Variants in NCAN observed in about 807,000 individuals in gnomAD.
NCAN encodes neurocan core protein.
A neutral mutation model predicts 121.8 loss-of-function variants in NCAN; 47 were observed. The observed-to-expected ratio is 0.39, with a 90% CI of 0.31 to 0.49. The LOEUF (loss-of-function observed/expected upper bound fraction) is 0.49, where lower values mean the gene tolerates loss of function less well. Ranked by LOEUF, NCAN falls within the 20% of genes least tolerant of loss-of-function variation. The pLI, the probability that NCAN is intolerant of heterozygous loss-of-function variation, is 0.92. For synonymous variants in NCAN, 633 were observed against 702.0 expected, an observed-to-expected ratio of 0.90 and a Z score of 1.55; for missense variants, 1,517 against 1,773.4, an observed-to-expected ratio of 0.86 and a Z score of 2.60.
At chr19:19,232,246 G>A (rs2060862770) in intron 8 of NCAN, among the ~76,000 whole-genome samples, 1 of 152,186 alleles carries the variant, frequency 6.6e-6, no homozygotes, top group African/African-American at 2.4e-5. Context: ...GGAGATTGGC[G>A]GGCAGTGCTG....
intron 10 of NCAN, among the ~76,000 whole-genome samples, chr19:19,237,738 A>G (rs1033668393): frequency 6.6e-6 from 1 of 152,180 alleles, no homozygotes; most frequent in African/African-American, 2.4e-5. Flanking sequence ...TCTCTTCCAG[A>G]AACAAAGAAA....
intron 12 of NCAN, 50 bp from the exon 13 acceptor site, chr19:19,245,263 G>A: frequency 6.2e-7 from 1 of 1,601,858 alleles, no homozygotes; most frequent in South Asian, 1.1e-5. Flanking sequence ...GCCAGAACCT[G>A]GGCTGGAACA....
intron 1 of NCAN, 138 bp from the exon 2 acceptor site, chr19:19,216,809 T>A (rs1290445721): frequency 4.2e-6 from 2 of 472,722 alleles, no homozygotes; most frequent in Non-Finnish European, 7.4e-6. Context: ...GCTCCTTCTG[T>A]GACCTAGAAT....
intron 14 of NCAN, 123 bp downstream of exon 14, chr19:19,249,005 A>AT: frequency 9.6e-7 from 1 of 1,038,868 alleles, no homozygotes; most frequent in East Asian, 2.5e-5. Flanking sequence ...AGCCTTGCAG[A>AT]TAAGTGAGAA....
chr19:19,246,150 G>T (rs2060923639), intron 13 of NCAN, among the ~76,000 whole-genome samples: 1 of 152,146 alleles, frequency 6.6e-6, no homozygotes, highest in Admixed American at 6.6e-5. Flanking sequence ...TGATTCTCCT[G>T]CCTCAGCCTC....
chr19:19,235,889 G>A (rs904899894), intron 10 of NCAN, among the ~76,000 whole-genome samples: 1 of 152,112 alleles, frequency 6.6e-6, no homozygotes, highest in Admixed American at 6.6e-5. Context: ...TGGGACTACA[G>A]GCACACACCA....
rs2060806866 is a variant in NCAN at position 19,219,241 on chromosome 19, G to A, written c.400G>A (p.Asp134Asn). Residue 134 changes from aspartate (D) to asparagine (N), a missense_variant, in exon 3 of 15, where the codon GAC becomes AAC. Asp to Asn is a conservative substitution (Grantham distance 23, BLOSUM62 1). Transcript: ENST00000252575. ...TLLLGPLRAS[D>N]SGLYRCQVVR... Reference sequence around the variant, plus strand: ...ACTTCTGGGGCCACTGAGGGCCAGTGACTCTGGGCTGTACCGCTGCCAGGT... The same window carrying A: ...ACTTCTGGGGCCACTGAGGGCCAGTAACTCTGGGCTGTACCGCTGCCAGGT... 5 of 1,605,272 alleles carry A rather than the reference G, an allele frequency of 3.1e-6. No individual in the cohort carries two copies. The South Asian group carries it at 4.4e-5, about 14-fold the overall frequency.
In NCAN at chr19:19,250,065, C is replaced by T. The variant is rs1432373182; in HGVS notation, c.*154C>T. The T allele has an allele frequency of 1.1e-6, 1 of 869,672 alleles. No individual in the cohort carries two copies. Among genetic ancestry groups the T allele is most frequent in the East Asian group, 2.6e-5 (1 of 37,896 alleles). 53.9% of individuals were successfully genotyped at this position (869,672 alleles called of 1,614,324 possible). ...ACATAATCCTTTGTACAAAGCTCCT[C>T]TTTTCCCTTTTTTTACATACACAAG... On this transcript the variant is annotated 3_prime_UTR_variant, in exon 15 of 15. Coordinates refer to ENST00000252575, the MANE Select transcript of NCAN (RefSeq NM_004386.3).
intron 14 of NCAN, 169 bp downstream of exon 14, chr19:19,249,051 G>GTT (rs1270313010): frequency 1.0e-5 from 4 of 384,934 alleles, no homozygotes; most frequent in Non-Finnish European, 1.8e-5. Flanking sequence ...TCATTTGTGT[G>GTT]TGTGTGTGTG....
At chr19:19,240,488 G>A in intron 11 of NCAN, 115 bp from the exon 12 acceptor site, 1 of 935,780 alleles carries the variant, frequency 1.1e-6, no homozygotes, top group East Asian at 2.4e-5. Context: ...CCTCCAGGCT[G>A]GGGAAGGTGA....
In NCAN at chr19:19,228,066, C is replaced by T. The variant is rs145847362; in HGVS notation, c.2446C>T (p.Pro816Ser). 3.1e-6 allele frequency: 5 copies of T among 1,613,456 alleles called. No individual in the cohort carries two copies. Among genetic ancestry groups the T allele is most frequent in the Non-Finnish European group, 4.2e-6 (5 of 1,180,042 alleles). ...LVPKVTPNLEPWVATDEGPTV... is the reference protein window; with the variant it reads ...LVPKVTPNLESWVATDEGPTV... ...ACCCAAAGTCACCCCAAATTTGGAG[C>T]CTTGGGTTGCTACAGATGAAGGACC... Residue 816 changes from proline (P) to serine (S), a missense_variant, in exon 8 of 15, where the codon CCT becomes TCT. Transcript: ENST00000252575.
At chr19:19,224,832 C>T in intron 5 of NCAN, 145 bp from the exon 6 acceptor site, 1 of 674,896 alleles carries the variant, frequency 1.5e-6, no homozygotes, top group Non-Finnish European at 2.3e-6. Flanking sequence ...GATCCCGGAG[C>T]TGGACGCACA....
chr19:19,217,579 T>C (rs2060800408), intron 2 of NCAN, among the ~76,000 whole-genome samples: 1 of 152,226 alleles, frequency 6.6e-6, no homozygotes, highest in African/African-American at 2.4e-5. Context: ...TCCTTTTCAT[T>C]AGCTGTCTTT....
In NCAN at chr19:19,251,103, C is replaced by T. The variant is rs537964323; in HGVS notation, c.*1192C>T. The T allele has an allele frequency of 1.3e-5, 2 of 152,302 alleles. No homozygotes were observed. Among genetic ancestry groups the T allele is most frequent in the South Asian group, 4.1e-4 (2 of 4,828 alleles). The allele number at this position is 152,302 out of a possible 1,614,324, so 9.4% of individuals were successfully genotyped here. A position where few individuals can be genotyped will look rare whatever the true frequency, so the allele number is the denominator to read the frequency against. Reference sequence around the variant, plus strand: ...ACACCAGGGGCCAGGATCCAGTTCCCTCATCTCTGGCAGGAAAGATCCACA... The same window carrying T: ...ACACCAGGGGCCAGGATCCAGTTCCTTCATCTCTGGCAGGAAAGATCCACA... On this transcript the variant is annotated 3_prime_UTR_variant, in exon 15 of 15. Transcript: ENST00000252575.
intron 2 of NCAN, 75 bp from the exon 3 acceptor site, chr19:19,218,840 T>C (rs1234139472): frequency 1.5e-6 from 2 of 1,368,540 alleles, no homozygotes; most frequent in Admixed American, 5.8e-5. Flanking sequence ...AAAAATTTTT[T>C]AAAAGAGGGA....
Position 19,227,510 on chromosome 19 carries a change from C to T in NCAN, c.1890C>T (p.Leu630=). Reference sequence around the variant, plus strand: ...TCCCTGTGGCCACCTCCCCAGATCTCCCTATGATGGCCATGCTGCGTGGTC... The same window carrying T: ...TCCCTGTGGCCACCTCCCCAGATCTTCCTATGATGGCCATGCTGCGTGGTC... The part of the protein sequence containing the change: ...EAFPVATSPD[L]PMMAMLRGPK... The change falls in exon 8 of 15, where the codon CTC becomes CTT. Residue 630 remains leucine (L), a synonymous_variant. Coordinates refer to ENST00000252575, the MANE Select transcript of NCAN (RefSeq NM_004386.3). This position sits in a 1 kb window ranked among gnomAD's most constrained non-coding sequence, Gnocchi z 4.2. The T allele has an allele frequency of 6.2e-7, 1 of 1,613,860 alleles. No homozygotes were observed.
Position 19,225,577 on chromosome 19 carries a change from A to AGG in NCAN, c.1072+308_1072+309dup, listed in dbSNP as rs1344198663. Among the ~76,000 whole-genome samples, 1 of 152,172 alleles carries AGG rather than the reference A, an allele frequency of 6.6e-6. No homozygotes were observed. The highest frequency in any genetic ancestry group is 1.5e-5 in the Non-Finnish European group (1 of 68,010). ...CCATAACCTTGAAAGACAAGCCCCT[A>AGG]GGTGGGGCATACTCTACCTAGAGCC... On this transcript the variant is annotated intron_variant, in intron 6 of 14. Coordinates refer to ENST00000252575, the MANE Select transcript of NCAN (RefSeq NM_004386.3). This position sits in a 1 kb window ranked among gnomAD's most constrained non-coding sequence, Gnocchi z 4.0.
chr19:19,240,512 C>G, intron 11 of NCAN, 91 bp from the exon 12 acceptor site: 1 of 1,283,132 alleles, frequency 7.8e-7, no homozygotes, highest in Non-Finnish European at 1.1e-6. Flanking sequence ...ATTCTTTCCT[C>G]CCACACCCTA....
chr19:19,233,907 T>G lies in NCAN; in HGVS notation c.3136+2T>G, dbSNP rs1326991760. The G allele has an allele frequency of 1.9e-6, 3 of 1,578,782 alleles. No individual in the cohort carries two copies. Among genetic ancestry groups the G allele is most frequent in the African/African-American group, 1.3e-5 (1 of 74,124 alleles). On this transcript the variant is annotated splice_donor_variant, in intron 9 of 14. Transcript: ENST00000252575. LOFTEE classifies it high-confidence loss of function. ...TCGCCGGGGAGAACTGTGAGATTGG[T>G]GAGTACCCCAGACTCAGGATCTGAA...
Sources: allele counts gnomAD v4.1 joint callset (sites outside exome capture counted in the v4.1 genomes callset), GRCh38; gene constraint gnomAD v4.1.1; non-coding constraint Gnocchi (gnomAD v3.1); transcripts MANE v1.5; gene names NCBI Gene and HGNC (gene_info 2026-07-23, HGNC 2026-07-21).